The following GTF2IRD1 variants were observed in gnomAD, a reference collection of about 807,000 sequenced individuals.
GTF2IRD1 encodes GTF2I repeat domain containing 1.
In GTF2IRD1, 26 loss-of-function variants were observed where a neutral mutation model predicts 113.2. The ratio of observed to expected loss-of-function variants is 0.23; its 90% confidence interval spans 0.17 to 0.32. GTF2IRD1 has a LOEUF of 0.32. Ranked by LOEUF, GTF2IRD1 falls within the 10% of genes least tolerant of loss-of-function variation. The pLI is 1.00. For missense variants in GTF2IRD1, 864 were observed against 1,280.8 expected (o/e 0.67, Z 4.97); for synonymous variants, 484 against 529.1 (o/e 0.91, Z 1.17).
intron 17 of GTF2IRD1, among the ~76,000 whole-genome samples, chr7:74,549,628 G>A (rs146648836): frequency 1.3e-5 from 2 of 152,264 alleles, no homozygotes; most frequent in African/African-American, 4.8e-5. Context: ...CATGCCCGGT[G>A]TGTCTGGGCA....
intron 1 of GTF2IRD1, among the ~76,000 whole-genome samples, chr7:74,480,334 G>A (rs535944906): frequency 2.0e-5 from 3 of 152,292 alleles, no homozygotes; most frequent in Admixed American, 6.5e-5. Context: ...TGTGTGTGAC[G>A]GAGGCTGTGG....
rs1193682168 is a variant in GTF2IRD1, at chr7:74,558,347, CTTTTTTTTT to C, written c.2108-492_2108-484del. 1.7e-3 allele frequency among the ~76,000 whole-genome samples: 100 copies of C among 60,444 alleles called. No individual in the cohort carries two copies. In the East Asian group the frequency reaches 0.022, roughly 13 times the overall value. The allele number at this position is 60,444 out of a possible 152,430, so 39.7% of individuals were successfully genotyped here. On this transcript the variant is annotated intron_variant, in intron 20 of 26. Coordinates refer to ENST00000424337, the MANE Select transcript of GTF2IRD1 (RefSeq NM_005685.4). The stretch of plus-strand genomic sequence containing the variant: ...ATTGGTGTGGCTTTTTCTTTCGTTT[CTTTTTTTTT>C]TTTTTTTTTTTTTTTTTTTTTGAGA...
rs1554345370 is a variant in GTF2IRD1 at position 74,519,458 on chromosome 7, G to A, written c.655G>A (p.Gly219Ser). 5.1e-6 allele frequency: 8 copies of A among 1,579,942 alleles called. No individual in the cohort carries two copies. Among genetic ancestry groups the A allele is most frequent in the Middle Eastern group, 1.7e-4 (1 of 5,902 alleles). The change falls in exon 6 of 27, where the codon GGT becomes AGT. Residue 219 changes from glycine (G) to serine (S), a missense_variant. Transcript: ENST00000424337. ...RDSKALVELN[G>S]VSLIPKGSRD... is the part of the protein sequence containing the mutation. ...CTCGAAGGCCCTGGTGGAGCTGAACGGTGTCTCCCTGATTCCCAAGGGGTC... is the reference window on the plus strand; with the variant it reads ...CTCGAAGGCCCTGGTGGAGCTGAACAGTGTCTCCCTGATTCCCAAGGGGTC...
At chr7:74,468,040 T>A (rs1562772800) in intron 1 of GTF2IRD1, among the ~76,000 whole-genome samples, 1 of 152,164 alleles carries the variant, frequency 6.6e-6, no homozygotes, top group African/African-American at 2.4e-5. Context: ...GAGGCCTGAT[T>A]ACTTGACGTT....
intron 3 of GTF2IRD1, among the ~76,000 whole-genome samples, chr7:74,514,612 C>T (rs782426983): frequency 2.0e-5 from 3 of 152,132 alleles, no homozygotes; most frequent in Non-Finnish European, 4.4e-5. Context: ...CACCAACACT[C>T]TCCGGTCCCC....
At position 74,460,349 on chromosome 7, in the gene GTF2IRD1, A is replaced by G. The variant is rs1413720084; in HGVS notation, c.-7+6173A>G. On this transcript the variant is annotated intron_variant, in intron 1 of 26. Transcript: ENST00000424337. ...CAGTGGCGTGATCCTACCTCACTGC[A>G]ACCTCCAACTCCTGGGCTCAATGTG... Among the ~76,000 whole-genome samples, 4 of 152,086 alleles carry G rather than the reference A, an allele frequency of 2.6e-5. No individual in the cohort carries two copies. The East Asian group carries it at 7.7e-4, about 29-fold the overall frequency.
At chr7:74,571,730 G>A (rs960327928) in intron 22 of GTF2IRD1, among the ~76,000 whole-genome samples, 9 of 152,220 alleles carry the variant, frequency 5.9e-5, no homozygotes, top group East Asian at 1.9e-4. Context: ...GCATGGTGGC[G>A]TGTGCCTATA....
intron 4 of GTF2IRD1, among the ~76,000 whole-genome samples, 165 bp downstream of exon 4, chr7:74,515,761 C>G (rs1287898718): frequency 6.6e-6 from 1 of 152,128 alleles, no homozygotes; most frequent in African/African-American, 2.4e-5. Context: ...CTCTGCATTC[C>G]CAGACACAGA....
intron 9 of GTF2IRD1, among the ~76,000 whole-genome samples, chr7:74,530,787 C>T (rs1326007662): frequency 6.6e-6 from 1 of 152,094 alleles, no homozygotes; most frequent in Non-Finnish European, 1.5e-5. Context: ...TGCATCGGTG[C>T]ACCTGAAGAC....
Position 74,536,250 on chromosome 7 carries a change from G to A in GTF2IRD1, c.1384G>A (p.Val462Ile), listed in dbSNP as rs587684351. 1.4e-5 allele frequency: 22 copies of A among 1,611,228 alleles called. No individual in the cohort carries two copies. Among genetic ancestry groups the A allele is most frequent in the East Asian group, 1.3e-4 (6 of 44,860 alleles). Residue 462 changes from valine (V) to isoleucine (I), a missense_variant, in exon 11 of 27, where the codon GTC (valine) becomes ATC (isoleucine). Around this residue, in one of 7 missense-constraint regions of GTF2IRD1, gnomAD observed 218 missense variants for 352.6 expected, o/e 0.62. Coordinates refer to ENST00000424337, the MANE Select transcript of GTF2IRD1 (RefSeq NM_005685.4). ...CTCTGCAGAGGTCTCTAGGGCCACCGTCCTTGACCTTGCTGGGAATGCTCG... is the reference window on the plus strand; with the variant it reads ...CTCTGCAGAGGTCTCTAGGGCCACCATCCTTGACCTTGCTGGGAATGCTCG... ...DTSAEVSRATVLDLAGNARSD... is the reference protein window; with the variant it reads ...DTSAEVSRATILDLAGNARSD...
chr7:74,526,648 T>C (rs73135369), intron 8 of GTF2IRD1, among the ~76,000 whole-genome samples: 4,020 of 152,136 alleles, frequency 0.026, 86 homozygotes, highest in East Asian at 0.077. Flanking sequence ...ACAGCAGGGT[T>C]CGGGGGTTGG....
chr7:74,524,479 CT>C (rs1431594607), intron 8 of GTF2IRD1, among the ~76,000 whole-genome samples: 3 of 152,198 alleles, frequency 2.0e-5, no homozygotes, highest in Admixed American at 1.3e-4. Flanking sequence ...CATCCCAGCA[CT>C]TTGGGAGGCC....
chr7:74,515,154 A>G (rs587681269), intron 3 of GTF2IRD1, among the ~76,000 whole-genome samples: 138 of 152,210 alleles, frequency 9.1e-4, no homozygotes, highest in Non-Finnish European at 1.5e-3. Flanking sequence ...GAACATTCAC[A>G]GACTGAGGCT....
chr7:74,595,400 C>A, intron 25 of GTF2IRD1, among the ~76,000 whole-genome samples: 1 of 143,746 alleles, frequency 7.0e-6, no homozygotes, highest in Admixed American at 7.1e-5. Flanking sequence ...AGCAAGACTC[C>A]ATCTCGAAAA....
intron 22 of GTF2IRD1, among the ~76,000 whole-genome samples, chr7:74,574,438 C>T (rs587769519): frequency 6.7e-4 from 101 of 151,184 alleles, no homozygotes; most frequent in African/African-American, 1.7e-3. Flanking sequence ...GCCACTACAC[C>T]GGGCCTAGAT....
intron 24 of GTF2IRD1, 42 bp from the exon 25 acceptor site, chr7:74,594,972 A>C: frequency 6.7e-7 from 1 of 1,492,130 alleles, no homozygotes; most frequent in Non-Finnish European, 9.3e-7. Context: ...AGGAGGGGAA[A>C]ACCTCATTTT....
intron 22 of GTF2IRD1, among the ~76,000 whole-genome samples, chr7:74,578,056 C>T (rs1418099340): frequency 6.6e-6 from 1 of 152,188 alleles, no homozygotes; most frequent in African/African-American, 2.4e-5. Context: ...CCTCCTGTCT[C>T]GGCCTCCCAA....
chr7:74,527,021 A>C (rs1797640809), intron 8 of GTF2IRD1, among the ~76,000 whole-genome samples: 1 of 152,110 alleles, frequency 6.6e-6, no homozygotes, highest in South Asian at 2.1e-4. Context: ...ACAGGAACAC[A>C]GACAAAGCAT....
intron 14 of GTF2IRD1, among the ~76,000 whole-genome samples, chr7:74,542,240 CA>C (rs1312403066): frequency 1.3e-5 from 2 of 149,888 alleles, no homozygotes; most frequent in Non-Finnish European, 3.0e-5. Flanking sequence ...CTAAAAAGAC[CA>C]AAAAAAAATT....
Sources: allele counts gnomAD v4.1 joint callset (sites outside exome capture counted in the v4.1 genomes callset), GRCh38; gene constraint gnomAD v4.1.1; regional missense constraint gnomAD v4.1.1; transcripts MANE v1.5; gene names NCBI Gene and HGNC (gene_info 2026-07-23, HGNC 2026-07-21).